Variants in TOP3A observed in about 807,000 individuals in gnomAD.
TOP3A encodes the protein DNA topoisomerase 3-alpha.
In TOP3A, 64 loss-of-function variants were observed where a neutral mutation model predicts 111.3. That is an observed-to-expected ratio of 0.57 (90% CI 0.47 to 0.71). The LOEUF is 0.71. Ranked by LOEUF, TOP3A falls within the 30% of genes least tolerant of loss-of-function variation. TOP3A has a pLI of 0.00. For missense variants in TOP3A, 1,104 were observed against 1,285.0 expected (o/e 0.86, Z 2.15); for synonymous variants, 484 against 485.1 (o/e 1.00, Z 0.03).
At chr17:18,286,198 TA>T (rs1303926017) in intron 13 of TOP3A, among the ~76,000 whole-genome samples, 96 of 127,864 alleles carry the variant, frequency 7.5e-4, no homozygotes, top group African/African-American at 1.7e-3. Flanking sequence ...AGACTCTCTT[TA>T]AAAAAAAAAA....
chr17:18,306,985 C>CTCTGT lies in TOP3A; in HGVS notation c.315-20_315-19insACAGA. On this transcript the variant is annotated intron_variant, in intron 3 of 18. Transcript: ENST00000321105. The stretch of plus-strand genomic sequence containing the variant: ...GCTCTGCCTAGAAAAGAAATGAAAA[C>CTCTGT]AGAGTCCCAACTCAGTACATGACAG... The CTCTGT allele has an allele frequency of 6.3e-7, 1 of 1,593,588 alleles. No homozygotes were observed. The highest frequency in any genetic ancestry group is 8.6e-7 in the Non-Finnish European group (1 of 1,162,806).
rs374011155 is a variant in TOP3A, at chr17:18,278,005, G to A, written c.2497C>T (p.Arg833Trp). 2.9e-5 allele frequency: 47 copies of A among 1,614,116 alleles called. No homozygotes were observed. The highest frequency in any genetic ancestry group is 4.5e-5 in the East Asian group (2 of 44,888). Residue 833 changes from arginine to tryptophan, a missense_variant, in exon 18 of 19, where the codon CGG (arginine) becomes TGG (tryptophan). By Grantham distance (101) the Arg-to-Trp change is moderately radical. Coordinates refer to ENST00000321105, the MANE Select transcript of TOP3A (RefSeq NM_004618.5). Reference sequence around the variant, plus strand: ...CCTCCGTTGCACTTAAAGAACTGCCGGCCCCGGTTGGGGCCCTCCTTACGG... The same window carrying A: ...CCTCCGTTGCACTTAAAGAACTGCCAGCCCCGGTTGGGGCCCTCCTTACGG... ...TVRKEGPNRG[R>W]QFFKCNGGSC...
Position 18,271,670 on chromosome 17 carries a change from T to TC in TOP3A, c.*3131_*3132insG, listed in dbSNP as rs201088056. On this transcript the variant is annotated 3_prime_UTR_variant, in exon 19 of 19. Transcript: ENST00000321105. ...TGCAGTTTGCTTTTGAGACACACAG[T>TC]TGCCTGCAGAGATGTGAAAACCACA... 0.021 allele frequency: 7,303 copies of TC among 341,840 alleles called. 386 individuals carry two copies. The highest frequency in any genetic ancestry group is 0.13 in the African/African-American group (5,740 of 43,792). 21.2% of individuals were successfully genotyped at this position (341,840 alleles called of 1,614,324 possible).
intron 18 of TOP3A, 101 bp downstream of exon 18, chr17:18,277,574 C>T: frequency 7.2e-7 from 1 of 1,393,800 alleles, no homozygotes; most frequent in Non-Finnish European, 9.7e-7. Flanking sequence ...CCCTCCCAAT[C>T]CCACCATGAC....
At position 18,301,909 on chromosome 17, in the gene TOP3A, T is replaced by C; in HGVS notation, c.891A>G (p.Leu297=). ...CCTCCACACACAACTGATAGAGAAC[T>C]AGGCAAGCCGTGTGGTTAAAGAGTC... ...RHRLFNHTAC[L]VLYQLCVEDP... The change falls in exon 8 of 19, where the codon CTA becomes CTG. Residue 297 remains leucine (L), a synonymous_variant. Coordinates refer to ENST00000321105, the MANE Select transcript of TOP3A (RefSeq NM_004618.5). The C allele has an allele frequency of 1.2e-6, 2 of 1,614,192 alleles. No homozygotes were observed. Among genetic ancestry groups the C allele is most frequent in the Non-Finnish European group, 8.5e-7 (1 of 1,180,018 alleles).
chr17:18,310,150 G>A (rs1479054199), intron 1 of TOP3A, among the ~76,000 whole-genome samples: 1 of 152,166 alleles, frequency 6.6e-6, no homozygotes, highest in Non-Finnish European at 1.5e-5. Flanking sequence ...GAAGAGGCCA[G>A]GTGCAATGGC....
chr17:18,282,095 T>C (rs1171456598), intron 16 of TOP3A, among the ~76,000 whole-genome samples: 2 of 152,120 alleles, frequency 1.3e-5, no homozygotes, highest in Non-Finnish European at 2.9e-5. Context: ...CAACCTGATG[T>C]GAAGCTAAAT....
intron 18 of TOP3A, among the ~76,000 whole-genome samples, chr17:18,276,782 G>A (rs986967388): frequency 6.6e-6 from 1 of 152,180 alleles, no homozygotes; most frequent in Non-Finnish European, 1.5e-5. Flanking sequence ...TCAACTTGAT[G>A]CAATGTCCAG....
In TOP3A at chr17:18,290,620, T is replaced by C; in HGVS notation, c.1534A>G (p.Thr512Ala). The change falls in exon 13 of 19, where the codon ACC becomes GCC. Residue 512 changes from threonine (T) to alanine (A), a missense_variant. Coordinates refer to ENST00000321105, the MANE Select transcript of TOP3A (RefSeq NM_004618.5). ...TCGGTGAGCAGCTTGGGTGGGCTGG[T>C]CTCCCCGTCCACCATCTCCACGGTG... Reference protein sequence around the residue: ...PSTVEMVDGETSPPKLLTEAD... With the variant: ...PSTVEMVDGEASPPKLLTEAD... 6.2e-7 allele frequency: 1 copy of C among 1,611,642 alleles called. No individual in the cohort carries two copies. Among genetic ancestry groups the C allele is most frequent in the South Asian group, 1.1e-5 (1 of 90,802 alleles).
At chr17:18,288,547 C>G (rs1376978186) in intron 13 of TOP3A, among the ~76,000 whole-genome samples, 1 of 152,144 alleles carries the variant, frequency 6.6e-6, no homozygotes, top group African/African-American at 2.4e-5. Flanking sequence ...CCATGTACCA[C>G]CATCTAAGCC....
At chr17:18,300,000 G>A (rs181432506) in intron 8 of TOP3A, among the ~76,000 whole-genome samples, 89 of 152,220 alleles carry the variant, frequency 5.8e-4, no homozygotes, top group Admixed American at 1.2e-3. Context: ...TTGCTATGTT[G>A]CCCAGGCTGG....
At chr17:18,308,219 C>T in intron 3 of TOP3A, 132 bp downstream of exon 3, 1 of 411,206 alleles carries the variant, frequency 2.4e-6, no homozygotes, top group Non-Finnish European at 3.9e-6. Context: ...AACTTTGTCT[C>T]CAACAAAAAA....
Position 18,314,827 on chromosome 17 carries a change from G to T in TOP3A, c.-49C>A, listed in dbSNP as rs1022691688. On this transcript the variant is annotated 5_prime_UTR_variant, in exon 1 of 19. Transcript: ENST00000321105. The stretch of plus-strand genomic sequence containing the variant: ...GCTCCCCGGCTGCCGGCGCATCCTG[G>T]GGAAGCCAGAGATGAGGCTCAAATG... 4.8e-6 allele frequency: 7 copies of T among 1,464,128 alleles called. No homozygotes were observed. The African/African-American group carries it at 8.7e-5, about 18-fold the overall frequency. 90.7% of individuals were successfully genotyped at this position (1,464,128 alleles called of 1,614,324 possible).
Position 18,274,761 on chromosome 17 carries a change from G to A in TOP3A, c.*41C>T, listed in dbSNP as rs182391166. 1,298 of 1,586,222 alleles carry A rather than the reference G, an allele frequency of 8.2e-4. 3 individuals carry two copies. In the Middle Eastern group the frequency reaches 8.6e-3, roughly 11 times the overall value. On this transcript the variant is annotated 3_prime_UTR_variant, in exon 19 of 19. Coordinates refer to ENST00000321105, the MANE Select transcript of TOP3A (RefSeq NM_004618.5). ...TTAACTCATTTCTAAACACAAAGGGGACAGGTCTGAGAAAGTGGCGTTCTC... is the reference window on the plus strand; with the variant it reads ...TTAACTCATTTCTAAACACAAAGGGAACAGGTCTGAGAAAGTGGCGTTCTC...
chr17:18,303,558 G>A (rs770373071), intron 5 of TOP3A, among the ~76,000 whole-genome samples: 4 of 152,166 alleles, frequency 2.6e-5, no homozygotes, highest in East Asian at 1.9e-4. Flanking sequence ...ACATCACGGC[G>A]GCAATACTGC....
At chr17:18,302,769 C>T (rs752520559) in intron 5 of TOP3A, 46 bp from the exon 6 acceptor site, 1 of 1,586,192 alleles carries the variant, frequency 6.3e-7, no homozygotes, top group Non-Finnish European at 8.6e-7. Context: ...AATCACACTG[C>T]CCTCCATCAT....
intron 13 of TOP3A, among the ~76,000 whole-genome samples, chr17:18,288,215 C>T (rs1163281598): frequency 7.1e-6 from 1 of 141,720 alleles, no homozygotes; most frequent in Non-Finnish European, 1.5e-5. Context: ...TGCAGTGGCA[C>T]AATCTTGGCT....
At chr17:18,296,936 T>C (rs546045295) in intron 9 of TOP3A, among the ~76,000 whole-genome samples, 4 of 152,304 alleles carry the variant, frequency 2.6e-5, no homozygotes, top group African/African-American at 9.6e-5. Context: ...GCAATATTTA[T>C]ACAGATTATA....
At chr17:18,313,591 AGGG>A (rs1212652288) in intron 1 of TOP3A, 2 of 129,050 alleles carry the variant, frequency 1.5e-5, no homozygotes, top group African/African-American at 3.9e-5. Flanking sequence ...AAAAAAAAAA[AGGG>A]AGAGAGAGAG....
Sources: allele counts gnomAD v4.1 joint callset (sites outside exome capture counted in the v4.1 genomes callset), GRCh38; gene constraint gnomAD v4.1.1; transcripts MANE v1.5; gene names NCBI Gene and HGNC (gene_info 2026-07-23, HGNC 2026-07-21).